SRSF12: variants seen among roughly 807,000 people sequenced by gnomAD.
SRSF12 encodes the protein serine/arginine-rich splicing factor 12.
In SRSF12, 21 loss-of-function variants were observed where a neutral mutation model predicts 34.1. The ratio of observed to expected loss-of-function variants is 0.62; its 90% CI spans 0.44 to 0.89. The LOEUF (loss-of-function observed/expected upper bound fraction) is 0.89. SRSF12 is among the 40% of genes least tolerant of loss of function. The probability of loss-of-function intolerance (pLI) is 0.00; values close to 1 mark genes in which losing one functional copy is unlikely to be tolerated. For missense variants in SRSF12, 278 were observed against 327.8 expected (o/e 0.85, Z 1.17); for synonymous variants, 111 against 110.8 (o/e 1.00, Z -0.01).
intron 4 of SRSF12, among the ~76,000 whole-genome samples, chr6:89,102,476 G>A (rs528884559): frequency 1.3e-5 from 2 of 152,066 alleles, no homozygotes; most frequent in South Asian, 4.2e-4. Flanking sequence ...ATACATTGAT[G>A]TAGAATATAT....
At chr6:89,110,799 C>CA (rs1769012698) in intron 1 of SRSF12, among the ~76,000 whole-genome samples, 1 of 152,078 alleles carries the variant, frequency 6.6e-6, no homozygotes, top group Non-Finnish European at 1.5e-5. Context: ...AACCAACTTA[C>CA]ATTTCCAAAA....
At chr6:89,115,552 G>C (rs113231163) in intron 1 of SRSF12, among the ~76,000 whole-genome samples, 1,846 of 152,046 alleles carry the variant, frequency 0.012, 27 homozygotes, top group Non-Finnish European at 0.015. Flanking sequence ...AAAGTGCTGG[G>C]ATTACAGGCG....
chr6:89,106,602 G>T (rs1489162475), intron 2 of SRSF12: 2 of 159,684 alleles, frequency 1.3e-5, no homozygotes, highest in African/African-American at 4.8e-5. Flanking sequence ...TTTTTAGGAG[G>T]TTGTTCACTG....
rs1768311654 is a variant in SRSF12, at chr6:89,097,258, G to A, written c.*1320C>T. On this transcript the variant is annotated 3_prime_UTR_variant, in exon 5 of 5. Coordinates refer to ENST00000452027, the MANE Select transcript of SRSF12 (RefSeq NM_080743.5). ...GAACTTTGAAGTTTTCATAATGTAA[G>A]TCACAAAGTATACAAGTAGAGCTCT... 1 of 152,054 alleles carries A rather than the reference G, an allele frequency of 6.6e-6. No homozygotes were observed. Among genetic ancestry groups the A allele is most frequent in the Non-Finnish European group, 1.5e-5 (1 of 68,014 alleles). The allele number at this position is 152,054 out of a possible 1,614,324, so 9.4% of individuals were successfully genotyped here.
Position 89,101,957 on chromosome 6 carries a change from AT to A in SRSF12, c.417-3011del, listed in dbSNP as rs1768556108. ...AATTCACTATCAGCAGATGTGTACT[AT>A]AAGAAATACTAAATATTCACTGCCC... On this transcript the variant is annotated intron_variant, in intron 4 of 4. Transcript: ENST00000452027. 2.0e-5 allele frequency among the ~76,000 whole-genome samples: 3 copies of A among 152,156 alleles called. No homozygotes were observed. The South Asian group carries it at 6.2e-4, about 32-fold the overall frequency.
chr6:89,106,208 G>A (rs1429467746), intron 2 of SRSF12, among the ~76,000 whole-genome samples: 1 of 152,044 alleles, frequency 6.6e-6, no homozygotes, highest in East Asian at 1.9e-4. Context: ...GTAAGCCCAG[G>A]TTCAAGAGAT....
At chr6:89,114,943 C>T (rs1011815653) in intron 1 of SRSF12, among the ~76,000 whole-genome samples, 7 of 151,742 alleles carry the variant, frequency 4.6e-5, no homozygotes, top group Non-Finnish European at 5.9e-5. Context: ...ATCACAGGCA[C>T]GCACCACCAT....
rs1452374521 is a variant in SRSF12 at position 89,118,069 on chromosome 6, C to A, written c.-182G>T. On this transcript the variant is annotated 5_prime_UTR_variant, in exon 1 of 5. Coordinates refer to ENST00000452027, the MANE Select transcript of SRSF12 (RefSeq NM_080743.5). ...CAGAGGGGGCGCAGCGCGGCGCCAG[C>A]CTGGACGCACGGGCCGGGGGCGGGG... 2 of 247,868 alleles carry A rather than the reference C, an allele frequency of 8.1e-6. No homozygotes were observed. The highest frequency in any genetic ancestry group is 1.4e-4 in the South Asian group (1 of 7,088). 15.4% of individuals were successfully genotyped at this position (247,868 alleles called of 1,614,324 possible).
chr6:89,100,476 T>C (rs1582252316), intron 4 of SRSF12, among the ~76,000 whole-genome samples: 1 of 151,854 alleles, frequency 6.6e-6, no homozygotes, highest in South Asian at 2.1e-4. Flanking sequence ...AATGATAATG[T>C]CATGCAGAGC....
At chr6:89,099,055 C>A in intron 4 of SRSF12, 108 bp from the exon 5 acceptor site, 1 of 1,293,084 alleles carries the variant, frequency 7.7e-7, no homozygotes, top group South Asian at 1.7e-5. Context: ...TATATTTTTA[C>A]TAGATAAGCT....
intron 4 of SRSF12, among the ~76,000 whole-genome samples, chr6:89,099,426 G>GTGTATATATATACACATATATATGTATA (rs1562191889): frequency 2.1e-5 from 3 of 140,226 alleles, no homozygotes; most frequent in Admixed American, 7.0e-5. Context: ...ATATATATAT[G>GTGTATATATATACACATATATATGTATA]TGTGTATATA....
intron 1 of SRSF12, among the ~76,000 whole-genome samples, chr6:89,117,103 A>G (rs1412130672): frequency 2.6e-5 from 4 of 152,092 alleles, no homozygotes; most frequent in Non-Finnish European, 5.9e-5. Flanking sequence ...ATTCCTTAGT[A>G]TCTGTGTTCA....
intron 1 of SRSF12, among the ~76,000 whole-genome samples, chr6:89,113,048 T>C (rs146382435): frequency 5.0e-4 from 76 of 152,346 alleles, no homozygotes; most frequent in Middle Eastern, 3.4e-3. Context: ...AGGTTTGGGT[T>C]TGTACAACAA....
At chr6:89,114,799 TA>T (rs1562209984) in intron 1 of SRSF12, among the ~76,000 whole-genome samples, 4 of 152,248 alleles carry the variant, frequency 2.6e-5, no homozygotes, top group Admixed American at 2.0e-4. Context: ...TTACTGCTTT[TA>T]TTTTTTTAGT....
chr6:89,106,284 TG>T (rs11362860), intron 2 of SRSF12, among the ~76,000 whole-genome samples: 99,167 of 151,812 alleles, frequency 0.65, 33,169 homozygotes, highest in East Asian at 0.78. Context: ...GGCTAATTTT[TG>T]TATTTTTAGT....
intron 1 of SRSF12, among the ~76,000 whole-genome samples, chr6:89,113,858 GTT>G (rs1230439356): frequency 6.6e-6 from 1 of 151,930 alleles, no homozygotes; most frequent in Non-Finnish European, 1.5e-5. Context: ...TCCCTGGCTG[GTT>G]TCAAACTCCT....
At chr6:89,106,249 A>C (rs1319530027) in intron 2 of SRSF12, among the ~76,000 whole-genome samples, 1 of 151,098 alleles carries the variant, frequency 6.6e-6, no homozygotes, top group Non-Finnish European at 1.5e-5. Flanking sequence ...AGTAGCTGGG[A>C]CTACAGGTGC....
At chr6:89,112,850 C>G (rs1769123095) in intron 1 of SRSF12, among the ~76,000 whole-genome samples, 1 of 152,180 alleles carries the variant, frequency 6.6e-6, no homozygotes. Context: ...CTGTCCTAGA[C>G]AGGTGTACCT....
chr6:89,109,314 G>C (rs1223139303), intron 1 of SRSF12, among the ~76,000 whole-genome samples: 2 of 152,212 alleles, frequency 1.3e-5, no homozygotes, highest in Non-Finnish European at 1.5e-5. Flanking sequence ...GCTAAAGCAG[G>C]TGTCTTCACC....
Sources: allele counts gnomAD v4.1 joint callset (sites outside exome capture counted in the v4.1 genomes callset), GRCh38; gene constraint gnomAD v4.1.1; transcripts MANE v1.5; gene names NCBI Gene and HGNC (gene_info 2026-07-23, HGNC 2026-07-21).